The following FCRL1 variants were observed in gnomAD, a reference collection of about 807,000 sequenced individuals.
FCRL1 encodes Fc receptor-like protein 1.
FCRL1 carries 34 observed loss-of-function variants against 49.2 expected under a neutral mutation model. That is an observed-to-expected ratio of 0.69 (90% CI 0.53 to 0.92). The LOEUF is 0.92. Ranked by LOEUF, FCRL1 falls within the 40% of genes least tolerant of loss-of-function variation. FCRL1 has a pLI of 0.00. For synonymous variants in FCRL1, 218 were observed against 201.6 expected, an observed-to-expected ratio of 1.08 and a Z score of -0.69; for missense variants, 524 against 524.1, an observed-to-expected ratio of 1.00 and a Z score of 0.00.
intron 1 of FCRL1, among the ~76,000 whole-genome samples, chr1:157,813,313 A>G (rs1654587919): frequency 6.6e-6 from 1 of 152,224 alleles, no homozygotes; most frequent in East Asian, 1.9e-4. Flanking sequence ...AAGGAAACTC[A>G]CTTATAAGAG....
At chr1:157,812,841 A>T (rs1654510996) in intron 1 of FCRL1, among the ~76,000 whole-genome samples, 1 of 152,088 alleles carries the variant, frequency 6.6e-6, no homozygotes, top group African/African-American at 2.4e-5. Context: ...ACACCAAAAG[A>T]CACCCTCTCA....
In FCRL1 at chr1:157,797,934, C is replaced by T. The variant is rs1557890711; in HGVS notation, c.1120G>A (p.Val374Ile). 5.6e-6 allele frequency: 9 copies of T among 1,614,046 alleles called. No individual in the cohort carries two copies. Among genetic ancestry groups the T allele is most frequent in the African/African-American group, 2.7e-5 (2 of 74,938 alleles). ...QLQPIYENVN[V>I]VSGDEVYSLA... ...GAATAAACCTCATCCCCACTTACAA[C>T]ATTCACTGCAAGAGAAGGAGGGAGA... The change falls in exon 9 of 11, where the codon GTT becomes ATT. Residue 374 changes from valine (V) to isoleucine (I), a missense_variant. Val to Ile is a conservative substitution (Grantham distance 29, BLOSUM62 3). Coordinates refer to ENST00000368176, the MANE Select transcript of FCRL1 (RefSeq NM_052938.5).
chr1:157,797,618 G>T, intron 9 of FCRL1: 1 of 838,432 alleles, frequency 1.2e-6, no homozygotes, highest in South Asian at 1.7e-5. Flanking sequence ...TGGGATTTTT[G>T]CTCTTTCTAA....
chr1:157,808,075 A>G (rs1653746416), intron 1 of FCRL1, among the ~76,000 whole-genome samples: 1 of 152,198 alleles, frequency 6.6e-6, no homozygotes, highest in African/African-American at 2.4e-5. Context: ...CTTAGGTAGG[A>G]GAAAAGTGTC....
Position 157,802,132 on chromosome 1 carries a change from A to G in FCRL1, c.669T>C (p.Asp223=), listed in dbSNP as rs1652607154. ...GGGCCTCACAGTGAAGCTCCAGCAC[A>G]TCCTCCACTGCAGCCTGGGCCCTGG... ...RAPRAQAAVE[D]VLELHCEALR... Residue 223 remains aspartate, a synonymous_variant, in exon 5 of 11, where the codon GAT becomes GAC. Coordinates refer to ENST00000368176, the MANE Select transcript of FCRL1 (RefSeq NM_052938.5). The G allele has an allele frequency of 6.2e-7, 1 of 1,614,086 alleles. No homozygotes were observed. The highest frequency in any genetic ancestry group is 1.7e-5 in the Admixed American group (1 of 60,012).
chr1:157,814,162 G>A (rs554964499), intron 1 of FCRL1, among the ~76,000 whole-genome samples: 9 of 152,168 alleles, frequency 5.9e-5, no homozygotes, highest in Admixed American at 2.0e-4. Flanking sequence ...AACTAATAGA[G>A]GTAAATTGAT....
At chr1:157,807,208 AC>A (rs761263418) in intron 1 of FCRL1, 86 bp from the exon 2 acceptor site, 1 of 1,408,586 alleles carries the variant, frequency 7.1e-7, no homozygotes, top group Non-Finnish European at 9.8e-7. Flanking sequence ...CTTCCCCAAC[AC>A]CACACCCTCC....
rs889749435 is a variant in FCRL1 at position 157,801,591 on chromosome 1, C to T, written c.887-14G>A. ...CCCCAGTAGGCACTAGAGGGAGAGACCTGTGCATGATCTGCTCAGAGGAAG... is the reference window on the plus strand; with the variant it reads ...CCCCAGTAGGCACTAGAGGGAGAGATCTGTGCATGATCTGCTCAGAGGAAG... On this transcript the variant is annotated splice_polypyrimidine_tract_variant and intron_variant, in intron 5 of 10. Coordinates refer to ENST00000368176, the MANE Select transcript of FCRL1 (RefSeq NM_052938.5). The T allele has an allele frequency of 8.9e-6, 14 of 1,565,432 alleles. No homozygotes were observed. Among genetic ancestry groups the T allele is most frequent in the East Asian group, 6.7e-5 (3 of 44,664 alleles).
intron 2 of FCRL1, among the ~76,000 whole-genome samples, chr1:157,806,425 T>C (rs1404001972): frequency 6.6e-6 from 1 of 152,220 alleles, no homozygotes; most frequent in Non-Finnish European, 1.5e-5. Context: ...ATCATTGAGC[T>C]TGATCTAGTG....
rs909305458 is a variant in FCRL1 at position 157,803,906 on chromosome 1, G to C, written c.258C>G (p.Cys86Trp). ...MWKEDTGSYW[C>W]EAQTMASKVL... ...CTTTGGACGCCATTGTCTGTGCCTC[G>C]CACCAGTATGACCCTGTGTCTTCTT... is the stretch of plus-strand genomic sequence containing the variant. The change falls in exon 3 of 11, where the codon TGC (cysteine) becomes TGG (tryptophan). Residue 86 changes from cysteine to tryptophan, a missense_variant. Transcript: ENST00000368176. 13 of 1,614,032 alleles carry C rather than the reference G, an allele frequency of 8.1e-6. No homozygotes were observed. Among genetic ancestry groups the C allele is most frequent in the Non-Finnish European group, 1.1e-5 (13 of 1,180,052 alleles).
chr1:157,819,900 A>G, intron 1 of FCRL1, 107 bp downstream of exon 1: 3 of 1,339,812 alleles, frequency 2.2e-6, no homozygotes, highest in Non-Finnish European at 2.1e-6. Flanking sequence ...AGCACCCCTG[A>G]GCATTACCTG....
Position 157,810,379 on chromosome 1 carries a change from C to T in FCRL1, c.32-3257G>A, listed in dbSNP as rs559165759. ...TGGCATGATCTTGGCTCATTGCAAC[C>T]TCTACCTCACAAGTTCATGCAATTC... On this transcript the variant is annotated intron_variant, in intron 1 of 10. Coordinates refer to ENST00000368176, the MANE Select transcript of FCRL1 (RefSeq NM_052938.5). Among the ~76,000 whole-genome samples the T allele has an allele frequency of 2.5e-4, 38 of 151,946 alleles. 1 individual carries two copies. The highest frequency in any genetic ancestry group is 9.2e-4 in the African/African-American group (38 of 41,432).
Position 157,806,099 on chromosome 1 carries a change from T to A in FCRL1, c.52+1003A>T, listed in dbSNP as rs554221057. ...GTGACAGAAACTTGGTTTCTTCATC[T>A]TTGATATGGCTTTGGATTTCTGCTT... On this transcript the variant is annotated intron_variant, in intron 2 of 10. Transcript: ENST00000368176. Among the ~76,000 whole-genome samples the A allele has an allele frequency of 2.0e-5, 3 of 152,344 alleles. No individual in the cohort carries two copies. The East Asian group carries it at 5.8e-4, about 29-fold the overall frequency.
At position 157,818,076 on chromosome 1, in the gene FCRL1, C is replaced by A. The variant is rs117496077; in HGVS notation, c.31+1931G>T. Among the ~76,000 whole-genome samples the A allele has an allele frequency of 4.2e-4, 64 of 152,138 alleles. No individual in the cohort carries two copies. The East Asian group carries it at 0.01, about 25-fold the overall frequency. On this transcript the variant is annotated intron_variant, in intron 1 of 10. Coordinates refer to ENST00000368176, the MANE Select transcript of FCRL1 (RefSeq NM_052938.5). ...TAGGTGGGACTGTAAATTAGAACAG[C>A]CATTATGGAAGACAGTATGGAGGCT...
intron 7 of FCRL1, 44 bp downstream of exon 7, chr1:157,800,014 G>T: frequency 6.4e-7 from 1 of 1,563,520 alleles, no homozygotes; most frequent in Non-Finnish European, 8.7e-7. Flanking sequence ...TTTTAAAATA[G>T]ATTTTTCTGC....
chr1:157,818,991 G>A (rs1267230688), intron 1 of FCRL1, among the ~76,000 whole-genome samples: 2 of 152,154 alleles, frequency 1.3e-5, no homozygotes, highest in African/African-American at 4.8e-5. Context: ...CAAGATGAGG[G>A]GCAATATATT....
In FCRL1 at chr1:157,802,592, A is replaced by G; in HGVS notation, c.392T>C (p.Val131Ala). The G allele has an allele frequency of 6.2e-7, 1 of 1,613,728 alleles. No homozygotes were observed. The highest frequency in any genetic ancestry group is 1.7e-5 in the Admixed American group (1 of 60,020). ...GCCCATAGCAACTGAGCAGATGAGG[A>G]CCAGCCTGTCTCCCTCCATCACCTG... ...GGQVMEGDRL[V>A]LICSVAMGTG... Residue 131 changes from valine to alanine, a missense_variant, in exon 4 of 11, where the codon GTC becomes GCC. Coordinates refer to ENST00000368176, the MANE Select transcript of FCRL1 (RefSeq NM_052938.5).
chr1:157,801,100 C>G (rs1369738135), intron 6 of FCRL1, among the ~76,000 whole-genome samples: 1 of 152,136 alleles, frequency 6.6e-6, no homozygotes, highest in Admixed American at 6.5e-5. Context: ...CCATGTTGGC[C>G]AGGATGGTCT....
chr1:157,799,906 G>T, intron 7 of FCRL1, 152 bp downstream of exon 7: 1 of 454,460 alleles, frequency 2.2e-6, no homozygotes, highest in Non-Finnish European at 3.9e-6. Context: ...AAGTGACAAT[G>T]AATTGTTCAA....
Sources: allele counts gnomAD v4.1 joint callset (sites outside exome capture counted in the v4.1 genomes callset), GRCh38; gene constraint gnomAD v4.1.1; transcripts MANE v1.5; gene names NCBI Gene and HGNC (gene_info 2026-07-23, HGNC 2026-07-21).